UNC13C: variants seen among roughly 807,000 people sequenced by gnomAD.
UNC13C encodes the protein unc-13 homolog C.
In UNC13C, 174 loss-of-function variants were observed where a neutral mutation model predicts 245.4. The ratio of observed to expected loss-of-function variants is 0.71; its 90% confidence interval spans 0.63 to 0.80. UNC13C has a LOEUF of 0.80. UNC13C is among the 30% of genes least tolerant of loss of function. The pLI, the probability that UNC13C is intolerant of heterozygous loss-of-function variation, is 0.00. For missense variants in UNC13C, 2,829 were observed against 2,602.9 expected, an observed-to-expected ratio of 1.09 and a Z score of -1.89; for synonymous variants, 992 against 895.1, an observed-to-expected ratio of 1.11 and a Z score of -1.93.
In UNC13C at chr15:54,014,474, C is replaced by A. The variant is rs377725533; in HGVS notation, c.1571C>A (p.Thr524Asn). The change falls in exon 2 of 33, where the codon ACC (threonine) becomes AAC (asparagine). Residue 524 changes from threonine (T) to asparagine (N), a missense_variant. Physicochemically the swap from Thr to Asn is moderately conservative, Grantham distance 65. Transcript: ENST00000260323. Reference sequence around the variant, plus strand: ...GAATCAGATATCTTGGAAAAGCAAACCACAACCCATTATGCAGATGCAACA... The same window carrying A: ...GAATCAGATATCTTGGAAAAGCAAAACACAACCCATTATGCAGATGCAACA... ...LPESDILEKQ[T>N]TTHYADATPL... 1 of 1,613,744 alleles carries A rather than the reference C, an allele frequency of 6.2e-7. No homozygotes were observed. The highest frequency in any genetic ancestry group is 8.5e-7 in the Non-Finnish European group (1 of 1,179,772).
chr15:54,049,305 G>A, intron 2 of UNC13C: 2 of 522,104 alleles, frequency 3.8e-6, no homozygotes, highest in South Asian at 1.5e-5. Context: ...ATGAAATAAA[G>A]GGCCCTTCAT....
chr15:53,887,155 TAA>T, the UNC13C span, among the ~76,000 whole-genome samples: 2 of 152,190 alleles, frequency 1.3e-5, no homozygotes, highest in Non-Finnish European at 2.9e-5. Context: ...CATACTAATC[TAA>T]AATGTAATAA....
At chr15:54,099,575 A>G (rs1290652208) in intron 2 of UNC13C, among the ~76,000 whole-genome samples, 1 of 152,150 alleles carries the variant, frequency 6.6e-6, no homozygotes, top group Non-Finnish European at 1.5e-5. Flanking sequence ...TTCAAACTGT[A>G]AAAGGAAACT....
chr15:54,425,453 T>C (rs1009327841), intron 19 of UNC13C, among the ~76,000 whole-genome samples: 1 of 151,826 alleles, frequency 6.6e-6, no homozygotes, highest in Non-Finnish European at 1.5e-5. Flanking sequence ...CATGCTATGC[T>C]CCACATAAGA....
intron 30 of UNC13C, among the ~76,000 whole-genome samples, chr15:54,576,736 C>A (rs1003723855): frequency 6.6e-6 from 1 of 152,152 alleles, no homozygotes; most frequent in African/African-American, 2.4e-5. Flanking sequence ...CCCCCACCAG[C>A]ACATGGATTC....
chr15:54,623,374 CATT>C (rs1900919611), intron 31 of UNC13C, among the ~76,000 whole-genome samples: 1 of 152,210 alleles, frequency 6.6e-6, no homozygotes, highest in East Asian at 1.9e-4. Flanking sequence ...GATTGCAACA[CATT>C]ATAATATCAT....
chr15:54,494,013 TTAGAGA>T (rs1893839048), intron 19 of UNC13C, among the ~76,000 whole-genome samples: 2 of 152,112 alleles, frequency 1.3e-5, no homozygotes, highest in African/African-American at 4.8e-5. Context: ...GCCTCATAAG[TTAGAGA>T]TATTTTCTCT....
intron 10 of UNC13C, among the ~76,000 whole-genome samples, chr15:54,286,558 A>C (rs950960524): frequency 1.3e-5 from 2 of 152,222 alleles, no homozygotes; most frequent in South Asian, 4.1e-4. Flanking sequence ...TTCTCTAGGT[A>C]GAGCGATCCA....
At chr15:54,481,830 A>G (rs1596459164) in intron 19 of UNC13C, among the ~76,000 whole-genome samples, 2 of 152,090 alleles carry the variant, frequency 1.3e-5, no homozygotes, top group African/African-American at 4.8e-5. Flanking sequence ...GGCAGGCAGG[A>G]TGGACCAATC....
chr15:54,004,673 T>C (rs1895057293), intron 1 of UNC13C, among the ~76,000 whole-genome samples: 1 of 152,216 alleles, frequency 6.6e-6, no homozygotes, highest in African/African-American at 2.4e-5. Flanking sequence ...CCAGCATTTG[T>C]TATTGCCTGT....
At chr15:54,405,632 C>T (rs1442863713) in intron 18 of UNC13C, among the ~76,000 whole-genome samples, 1 of 152,050 alleles carries the variant, frequency 6.6e-6, no homozygotes, top group Admixed American at 6.6e-5. Context: ...TTTTGTGGCC[C>T]CTTAAAAATT....
intron 17 of UNC13C, among the ~76,000 whole-genome samples, chr15:54,383,823 A>T (rs1393067683): frequency 6.6e-6 from 1 of 152,196 alleles, no homozygotes; most frequent in South Asian, 2.1e-4. Flanking sequence ...AAGTTGAAGG[A>T]TACAAAATCA....
At chr15:54,115,058 G>T (rs539675658) in intron 2 of UNC13C, among the ~76,000 whole-genome samples, 1 of 151,880 alleles carries the variant, frequency 6.6e-6, no homozygotes, top group East Asian at 1.9e-4. Context: ...TCCTCCATTT[G>T]CTCTATGTTC....
the UNC13C span, among the ~76,000 whole-genome samples, chr15:53,923,330 A>G: frequency 6.6e-6 from 1 of 152,368 alleles, no homozygotes; most frequent in Middle Eastern, 3.4e-3. Flanking sequence ...TAGATGCCCA[A>G]TAATTATTTA....
intron 24 of UNC13C, among the ~76,000 whole-genome samples, chr15:54,517,364 A>C (rs1895025361): frequency 6.6e-6 from 1 of 152,200 alleles, no homozygotes; most frequent in African/African-American, 2.4e-5. Context: ...TTTAGTTAGA[A>C]TATCCATTGT....
At chr15:54,334,272 T>G (rs1022937059) in intron 16 of UNC13C, among the ~76,000 whole-genome samples, 17 of 152,180 alleles carry the variant, frequency 1.1e-4, no homozygotes, top group African/African-American at 3.9e-4. Context: ...AACTTCCATT[T>G]TCAGCACTGG....
chr15:54,454,206 A>C (rs1891342706), intron 19 of UNC13C, among the ~76,000 whole-genome samples: 1 of 152,040 alleles, frequency 6.6e-6, no homozygotes, highest in Admixed American at 6.6e-5. Context: ...CTACATTCAC[A>C]ATGTTGTACT....
chr15:54,525,867 A>G (rs1009489862), intron 25 of UNC13C, among the ~76,000 whole-genome samples: 6 of 152,130 alleles, frequency 3.9e-5, no homozygotes, highest in African/African-American at 1.4e-4. Flanking sequence ...CACCTATAAC[A>G]CTATCCTCAG....
intron 8 of UNC13C, among the ~76,000 whole-genome samples, chr15:54,261,006 C>G (rs1005480631): frequency 2.0e-5 from 3 of 152,098 alleles, no homozygotes; most frequent in Non-Finnish European, 4.4e-5. Context: ...GTTTGCCCCT[C>G]TGTCTAAGGT....
Sources: allele counts gnomAD v4.1 joint callset (sites outside exome capture counted in the v4.1 genomes callset), GRCh38; gene constraint gnomAD v4.1.1; transcripts MANE v1.5; gene names NCBI Gene and HGNC (gene_info 2026-07-23, HGNC 2026-07-21).